Variants in CREG2 observed in about 807,000 individuals in gnomAD.
CREG2 encodes cellular repressor of E1A stimulated genes 2.
Under a neutral mutation model 26.2 loss-of-function variants are expected in CREG2, and 24 were observed. That is an observed-to-expected ratio of 0.92 (90% CI 0.66 to 1.29). The LOEUF is 1.29. Ranked by LOEUF, CREG2 falls within the 50% of genes most tolerant of loss-of-function variation. CREG2 has a pLI of 0.00. For missense variants in CREG2, 366 were observed against 398.6 expected (o/e 0.92, Z 0.70); for synonymous variants, 174 against 169.2 (o/e 1.03, Z -0.22).
chr2:101,386,432 G>A (rs1684967514), intron 1 of CREG2, among the ~76,000 whole-genome samples: 2 of 152,206 alleles, frequency 1.3e-5, no homozygotes, highest in South Asian at 2.1e-4. Context: ...TAAAGCATTT[G>A]CGAACTGAAC....
intron 2 of CREG2, among the ~76,000 whole-genome samples, chr2:101,380,011 C>A (rs1684848489): frequency 1.3e-5 from 2 of 152,056 alleles, no homozygotes. Flanking sequence ...ATCTATCTAT[C>A]TATCAATCAT....
At position 101,350,671 on chromosome 2, in the gene CREG2, G is replaced by A. The variant is rs189844244; in HGVS notation, c.*252C>T. 5.5e-6 allele frequency: 2 copies of A among 364,158 alleles called. No homozygotes were observed. Among genetic ancestry groups the A allele is most frequent in the Admixed American group, 9.1e-5 (2 of 22,008 alleles). The allele number at this position is 364,158 out of a possible 1,614,324, so 22.6% of individuals were successfully genotyped here. On this transcript the variant is annotated 3_prime_UTR_variant, in exon 4 of 4. Transcript: ENST00000324768. ...GCTATTATATGATTTCTGAATCGAT[G>A]AGTCTGGATTGAATACAATGGAATA...
At chr2:101,363,641 C>T (rs758305968) in intron 2 of CREG2, among the ~76,000 whole-genome samples, 5 of 152,058 alleles carry the variant, frequency 3.3e-5, no homozygotes, top group Admixed American at 3.3e-4. Context: ...TATAAACATA[C>T]TGAACAAATG....
In CREG2 at chr2:101,383,817, G is replaced by A. The variant is rs1573319816; in HGVS notation, c.442-115C>T. ...AACACCAGGGATGAGGGGGGATCAT[G>A]GCATCACAGTGGCTCTGACAGGTAG... On this transcript the variant is annotated intron_variant, in intron 1 of 3. Coordinates refer to ENST00000324768, the MANE Select transcript of CREG2 (RefSeq NM_153836.4). 4 of 967,574 alleles carry A rather than the reference G, an allele frequency of 4.1e-6. No homozygotes were observed. The East Asian group carries it at 1.0e-4, about 24-fold the overall frequency. The allele number at this position is 967,574 out of a possible 1,614,324, so 59.9% of individuals were successfully genotyped here. A position where few individuals can be genotyped will look rare whatever the true frequency, so the allele number is the denominator to read the frequency against.
At position 101,347,075 on chromosome 2, in the gene CREG2, G is replaced by A. The variant is rs913228494; in HGVS notation, c.*3848C>T. The stretch of plus-strand genomic sequence containing the variant: ...TGTTATGTAAATGGAATCATACAGT[G>A]TGCAAACTTTTATGATTGGCTTTGC... On this transcript the variant is annotated 3_prime_UTR_variant, in exon 4 of 4. Coordinates refer to ENST00000324768, the MANE Select transcript of CREG2 (RefSeq NM_153836.4). 1 of 152,158 alleles carries A rather than the reference G, an allele frequency of 6.6e-6. No individual in the cohort carries two copies. The highest frequency in any genetic ancestry group is 2.4e-5 in the African/African-American group (1 of 41,424). The allele number at this position is 152,158 out of a possible 1,614,324, so 9.4% of individuals were successfully genotyped here.
rs963686533 is a variant in CREG2, at chr2:101,383,399, C to T, written c.611+134G>A. 16 of 807,324 alleles carry T rather than the reference C, an allele frequency of 2.0e-5. No homozygotes were observed. The Admixed American group carries it at 2.6e-4, about 13-fold the overall frequency. The allele number at this position is 807,324 out of a possible 1,614,324, so 50.0% of individuals were successfully genotyped here. ...GGTGAGTGGTGGAATTCTAATTTATCTGATTTCAAGGGTGAACATCAATGT... is the reference window on the plus strand; with the variant it reads ...GGTGAGTGGTGGAATTCTAATTTATTTGATTTCAAGGGTGAACATCAATGT... On this transcript the variant is annotated intron_variant, in intron 2 of 3. Coordinates refer to ENST00000324768, the MANE Select transcript of CREG2 (RefSeq NM_153836.4).
At chr2:101,378,658 C>G (rs1684825324) in intron 2 of CREG2, among the ~76,000 whole-genome samples, 1 of 152,190 alleles carries the variant, frequency 6.6e-6, no homozygotes, top group Non-Finnish European at 1.5e-5. Flanking sequence ...CCTCTCCCCT[C>G]TTCGTCATAC....
Position 101,351,067 on chromosome 2 carries a change from G to T in CREG2, c.729C>A (p.His243Gln), listed in dbSNP as rs767531458. Residue 243 changes from histidine to glutamine, a missense_variant, in exon 4 of 4, where the codon CAC becomes CAA. His to Gln is a conservative substitution (Grantham distance 24, BLOSUM62 0). Around this residue, in one of 3 missense-constraint regions of CREG2, gnomAD observed 174 missense variants for 178.2 expected, o/e 0.98. Coordinates refer to ENST00000324768, the MANE Select transcript of CREG2 (RefSeq NM_153836.4). ...GACGAGGCCACTTCCTCATCCCTGG[G>T]TGCCTGCAGGAATAAAGAGAGACCA... Reference protein sequence around the residue: ...EFAKQAMFSRHPGMRKWPRQY... With the variant: ...EFAKQAMFSRQPGMRKWPRQY... 6.2e-7 allele frequency: 1 copy of T among 1,613,834 alleles called. No individual in the cohort carries two copies. Among genetic ancestry groups the T allele is most frequent in the Admixed American group, 1.7e-5 (1 of 59,972 alleles).
Position 101,350,777 on chromosome 2 carries a change from C to G in CREG2, c.*146G>C. 1.3e-6 allele frequency: 1 copy of G among 781,956 alleles called. No individual in the cohort carries two copies. Among genetic ancestry groups the G allele is most frequent in the East Asian group, 2.5e-5 (1 of 40,550 alleles). The allele number at this position is 781,956 out of a possible 1,614,324, so 48.4% of individuals were successfully genotyped here. ...AATCTCAAATCTAGCATAGAGTTCCCTGTTCACCCTCTCTCATTCTGCTGC... is the reference window on the plus strand; with the variant it reads ...AATCTCAAATCTAGCATAGAGTTCCGTGTTCACCCTCTCTCATTCTGCTGC... On this transcript the variant is annotated 3_prime_UTR_variant, in exon 4 of 4. Transcript: ENST00000324768.
At chr2:101,383,309 C>T (rs138630438) in intron 2 of CREG2, among the ~76,000 whole-genome samples, 3 of 152,218 alleles carry the variant, frequency 2.0e-5, no homozygotes, top group Non-Finnish European at 4.4e-5. Flanking sequence ...TTATTATTCC[C>T]ATTTTACAGA....
chr2:101,379,559 A>AT (rs1558821046), intron 2 of CREG2, among the ~76,000 whole-genome samples: 3 of 152,172 alleles, frequency 2.0e-5, no homozygotes, highest in Non-Finnish European at 2.9e-5. Context: ...TCTAAATATC[A>AT]TTTTTGAGTG....
Position 101,349,763 on chromosome 2 carries a change from A to G in CREG2, c.*1160T>C, listed in dbSNP as rs1380388974. On this transcript the variant is annotated 3_prime_UTR_variant, in exon 4 of 4. Coordinates refer to ENST00000324768, the MANE Select transcript of CREG2 (RefSeq NM_153836.4). The stretch of plus-strand genomic sequence containing the variant: ...GACTTTTTTTTTTTTTCCAAAAGCA[A>G]GAAACATCATCTCCAGGCAAGCTAG... 1.3e-5 allele frequency: 2 copies of G among 152,118 alleles called. No individual in the cohort carries two copies. Among genetic ancestry groups the G allele is most frequent in the Admixed American group, 1.3e-4 (2 of 15,264 alleles). The allele number at this position is 152,118 out of a possible 1,614,324, so 9.4% of individuals were successfully genotyped here. A position where few individuals can be genotyped will look rare whatever the true frequency, so the allele number is the denominator to read the frequency against.
At chr2:101,351,615 A>G (rs1684382392) in intron 3 of CREG2, among the ~76,000 whole-genome samples, 1 of 152,192 alleles carries the variant, frequency 6.6e-6, no homozygotes, top group African/African-American at 2.4e-5. Flanking sequence ...GCTGAGAGCT[A>G]CTGAGGCAGG....
intron 2 of CREG2, among the ~76,000 whole-genome samples, chr2:101,367,895 G>T (rs958492358): frequency 1.5e-4 from 23 of 152,156 alleles, no homozygotes; most frequent in African/African-American, 4.8e-4. Flanking sequence ...GCAAGGAAAC[G>T]GCTTCTCCTC....
intron 2 of CREG2, among the ~76,000 whole-genome samples, chr2:101,364,840 A>C (rs529601733): frequency 9.9e-5 from 15 of 152,244 alleles, no homozygotes; most frequent in Admixed American, 4.6e-4. Context: ...TCTCAGGGCA[A>C]TCGTAAAGAT....
intron 2 of CREG2, among the ~76,000 whole-genome samples, chr2:101,375,393 A>G (rs1684774261): frequency 6.6e-6 from 1 of 152,118 alleles, no homozygotes; most frequent in African/African-American, 2.4e-5. Context: ...GCCACTGGTC[A>G]TGGTGGGGCA....
intron 3 of CREG2, among the ~76,000 whole-genome samples, chr2:101,353,317 T>G (rs1684410097): frequency 6.6e-6 from 1 of 152,184 alleles, no homozygotes; most frequent in African/African-American, 2.4e-5. Context: ...GGTGTTTTAG[T>G]CATGAAGCAA....
chr2:101,355,135 C>A, intron 3 of CREG2, 118 bp downstream of exon 3: 1 of 682,072 alleles, frequency 1.5e-6, no homozygotes, highest in Non-Finnish European at 2.6e-6. Context: ...CCTATTCCCA[C>A]CGAAGGGCAG....
chr2:101,374,127 C>T (rs1684752985), intron 2 of CREG2, among the ~76,000 whole-genome samples: 2 of 152,186 alleles, frequency 1.3e-5, no homozygotes, highest in South Asian at 4.1e-4. Context: ...GGTGTGGTGA[C>T]ACACTTTGGG....
Sources: gnomAD v4.1 joint callset for allele counts (sites outside exome capture counted in the v4.1 genomes callset) on GRCh38, gnomAD v4.1.1 for gene constraint, gnomAD v4.1.1 regional missense constraint, MANE v1.5 for transcripts, NCBI Gene and HGNC (gene_info 2026-07-23, HGNC 2026-07-21) for gene names.